TTC6: variants seen among roughly 807,000 people sequenced by gnomAD.
TTC6 encodes tetratricopeptide repeat domain 6.
In TTC6, 172 loss-of-function variants were observed where a neutral mutation model predicts 210.4. The observed-to-expected ratio is 0.82, with a 90% CI of 0.72 to 0.93. The LOEUF (loss-of-function observed/expected upper bound fraction) is 0.93. TTC6 is among the 40% of genes least tolerant of loss of function. The pLI is 0.00. For synonymous variants in TTC6, 804 were observed against 819.6 expected (o/e 0.98, Z 0.32); for missense variants, 2,414 against 2,318.1 (o/e 1.04, Z -0.85).
At chr14:37,662,689 G>A (rs1317032758) in intron 1 of TTC6, among the ~76,000 whole-genome samples, 4 of 152,124 alleles carry the variant, frequency 2.6e-5, no homozygotes, top group African/African-American at 7.2e-5. Context: ...GCTTCTTGTT[G>A]TTAGCTTTGT....
chr14:37,660,596 G>T (rs973841458), intron 1 of TTC6, among the ~76,000 whole-genome samples: 4 of 152,212 alleles, frequency 2.6e-5, no homozygotes, highest in Admixed American at 1.3e-4. Context: ...CATCACTGAT[G>T]AGCATTTAGA....
At position 37,817,563 on chromosome 14, in the gene TTC6, A is replaced by G. The variant is rs2096145010; in HGVS notation, c.4690-15A>G. ...AATGTTGCAAAATTAACAAAAGCTTATAACATTATTTCAGGATTTTAAACA... is the reference window on the plus strand; with the variant it reads ...AATGTTGCAAAATTAACAAAAGCTTGTAACATTATTTCAGGATTTTAAACA... On this transcript the variant is annotated splice_polypyrimidine_tract_variant and intron_variant, in intron 25 of 30. Transcript: ENST00000553443. 1.2e-6 allele frequency: 2 copies of G among 1,611,708 alleles called. No individual in the cohort carries two copies. Among genetic ancestry groups the G allele is most frequent in the Non-Finnish European group, 8.5e-7 (1 of 1,179,102 alleles).
At chr14:37,790,921 C>A in intron 16 of TTC6, 84 bp downstream of exon 18, 1 of 1,187,620 alleles carries the variant, frequency 8.4e-7, no homozygotes, top group Non-Finnish European at 1.1e-6. Flanking sequence ...TCTTTCCCCT[C>A]ATCATTGATA....
At chr14:37,836,869 C>T (rs1595338977) in intron 29 of TTC6, among the ~76,000 whole-genome samples, 1 of 152,142 alleles carries the variant, frequency 6.6e-6, no homozygotes. Context: ...TGTATGTAAT[C>T]TGGCTTCTTT....
At chr14:37,610,607 G>C (rs991697526) in intron 2 of TTC6, among the ~76,000 whole-genome samples, 7 of 152,142 alleles carry the variant, frequency 4.6e-5, no homozygotes, top group Non-Finnish European at 1.0e-4. Flanking sequence ...TTATCACAAA[G>C]AGAAAATCTG....
chr14:37,727,291 ATTTTTTTTTTT>A (rs368293440), intron 7 of TTC6, among the ~76,000 whole-genome samples: 2 of 92,242 alleles, frequency 2.2e-5, no homozygotes, highest in African/African-American at 7.3e-5. Flanking sequence ...TATTTTTCTA[ATTTTTTTTTTT>A]TTTTTTTTTT....
intron 1 of TTC6, among the ~76,000 whole-genome samples, chr14:37,635,614 C>T (rs559810271): frequency 2.8e-4 from 43 of 152,144 alleles, no homozygotes; most frequent in Non-Finnish European, 4.7e-4. Context: ...ATATATCATG[C>T]ATATATTAGT....
chr14:37,670,572 G>A (rs768171626), intron 1 of TTC6, among the ~76,000 whole-genome samples: 2 of 145,012 alleles, frequency 1.4e-5, no homozygotes, highest in Non-Finnish European at 3.0e-5. Flanking sequence ...CCAGGTTCAA[G>A]CAATTCTGGT....
intron 14 of TTC6, among the ~76,000 whole-genome samples, chr14:37,781,110 A>T (rs1183230609): frequency 6.6e-6 from 1 of 152,156 alleles, no homozygotes; most frequent in Non-Finnish European, 1.5e-5. Flanking sequence ...TGTCTTTATC[A>T]TAAAATGATT....
intron 25 of TTC6, among the ~76,000 whole-genome samples, chr14:37,814,713 T>C (rs1694728699): frequency 6.6e-6 from 1 of 151,834 alleles, no homozygotes; most frequent in South Asian, 2.1e-4. Flanking sequence ...CAGAAACAAA[T>C]TGAAAGCAAA....
chr14:37,775,801 T>C (rs538512650), intron 14 of TTC6, among the ~76,000 whole-genome samples: 2 of 152,200 alleles, frequency 1.3e-5, no homozygotes, highest in Non-Finnish European at 2.9e-5. Context: ...CTAGGTCTCC[T>C]ATGTTGGGTG....
In TTC6 at chr14:37,662,416, G is replaced by T. The variant is rs111569886; in HGVS notation, c.940-17735G>T. ...CTGCGTCTATTGAGATAATCACATG[G>T]TTTTTGTCTTTAGATCTGTTTATAT... On this transcript the variant is annotated intron_variant, in intron 1 of 30. Transcript: ENST00000553443. 6.5e-3 allele frequency among the ~76,000 whole-genome samples: 988 copies of T among 152,244 alleles called. 6 individuals are homozygous for T. The highest frequency in any genetic ancestry group is 0.044 in the Middle Eastern group (13 of 294).
intron 1 of TTC6, among the ~76,000 whole-genome samples, chr14:37,663,006 T>A (rs2095740490): frequency 6.6e-6 from 1 of 152,048 alleles, no homozygotes. Context: ...GATATTGATT[T>A]TTTTTTTATC....
At chr14:37,719,264 C>T (rs1248765185) in intron 6 of TTC6, among the ~76,000 whole-genome samples, 4 of 151,360 alleles carry the variant, frequency 2.6e-5, no homozygotes, top group Non-Finnish European at 5.9e-5. Context: ...GGATAGTAAA[C>T]ATGTCATTTC....
intron 14 of TTC6, among the ~76,000 whole-genome samples, chr14:37,760,600 C>T (rs964146199): frequency 9.2e-5 from 14 of 152,210 alleles, no homozygotes; most frequent in African/African-American, 2.9e-4. Context: ...TTTAAGTCCA[C>T]TGAAGCTGCA....
intron 7 of TTC6, among the ~76,000 whole-genome samples, chr14:37,725,805 T>A (rs2138842120): frequency 6.6e-6 from 1 of 152,300 alleles, no homozygotes; most frequent in South Asian, 2.1e-4. Flanking sequence ...TTAGAGATCT[T>A]CATGGTATTT....
Position 37,749,297 on chromosome 14 carries a change from G to T in TTC6, c.2722G>T (p.Glu908Ter). The change falls in exon 11 of 31, where the codon GAA becomes TAA. Residue 908 changes from glutamate to a stop codon, truncating the protein, a stop_gained. Coordinates refer to ENST00000553443, the Ensembl canonical transcript of TTC6. LOFTEE classifies it high-confidence loss of function. ...ATCTGAAGTGAAGATTTTGACTGAA[G>T]AAATAAATGATAAGACAAAATATCC... is the stretch of plus-strand genomic sequence containing the variant. 1 of 1,521,980 alleles carries T rather than the reference G, an allele frequency of 6.6e-7. No individual in the cohort carries two copies. Among genetic ancestry groups the T allele is most frequent in the Non-Finnish European group, 8.8e-7 (1 of 1,139,204 alleles). The allele number at this position is 1,521,980 out of a possible 1,614,324, so 94.3% of individuals were successfully genotyped here.
rs143693173 is a variant in TTC6, at chr14:37,757,319, G to A, written c.3266+4084G>A. On this transcript the variant is annotated intron_variant, in intron 14 of 30. Coordinates refer to ENST00000553443, the Ensembl canonical transcript of TTC6. Reference sequence around the variant, plus strand: ...TCTGTCACCCAGGCTGGAGTGCAGTGGCTCGATCTTGGTTCACTGCAAGCT... The same window carrying A: ...TCTGTCACCCAGGCTGGAGTGCAGTAGCTCGATCTTGGTTCACTGCAAGCT... Among the ~76,000 whole-genome samples the A allele has an allele frequency of 5.5e-3, 834 of 152,100 alleles. 9 individuals carry two copies. The highest frequency in any genetic ancestry group is 0.02 in the African/African-American group (816 of 41,472).
intron 1 of TTC6, among the ~76,000 whole-genome samples, chr14:37,634,751 C>G (rs541549749): frequency 3.9e-5 from 6 of 152,216 alleles, no homozygotes; most frequent in Admixed American, 3.3e-4. Context: ...AATATGTTAA[C>G]CAATATGAGA....
Sources: gnomAD v4.1 joint callset for allele counts (sites outside exome capture counted in the v4.1 genomes callset) on GRCh38, gnomAD v4.1.1 for gene constraint, MANE v1.5 for transcripts, NCBI Gene and HGNC (gene_info 2026-07-23, HGNC 2026-07-21) for gene names.